The following RABGEF1 variants were observed in gnomAD, a reference collection of about 807,000 sequenced individuals.
RABGEF1 encodes rab5 GDP/GTP exchange factor.
In RABGEF1, 26 loss-of-function variants were observed where a neutral mutation model predicts 57.3. That is an observed-to-expected ratio of 0.45 (90% confidence interval 0.33 to 0.63). The LOEUF is 0.63. Among genes scored for constraint, RABGEF1 ranks in the 20% least tolerant of loss-of-function variants. The pLI is 0.02. For missense variants in RABGEF1, 464 were observed against 607.6 expected, an observed-to-expected ratio of 0.76 and a Z score of 2.48; for synonymous variants, 185 against 210.7, an observed-to-expected ratio of 0.88 and a Z score of 1.06.
chr7:66,660,255 G>A, the RABGEF1 span, among the ~76,000 whole-genome samples: 1 of 151,966 alleles, frequency 6.6e-6, no homozygotes, highest in Non-Finnish European at 1.5e-5. Flanking sequence ...GGCTGAGGCA[G>A]GAGAATGGTG....
chr7:66,658,008 AG>A, the RABGEF1 span, among the ~76,000 whole-genome samples: 4 of 152,176 alleles, frequency 2.6e-5, no homozygotes, highest in African/African-American at 9.7e-5. Flanking sequence ...TTTTTTTTAC[AG>A]TTCAGCAAAA....
At chr7:66,800,188 G>T (rs1033856428) in intron 7 of RABGEF1, among the ~76,000 whole-genome samples, 1 of 152,304 alleles carries the variant, frequency 6.6e-6, no homozygotes, top group African/African-American at 2.4e-5. Flanking sequence ...GCTGGCCATC[G>T]AGTAGGCTCC....
intron 1 of RABGEF1, among the ~76,000 whole-genome samples, chr7:66,760,332 G>C (rs999495547): frequency 6.6e-6 from 1 of 151,898 alleles, no homozygotes; most frequent in Non-Finnish European, 1.5e-5. Flanking sequence ...TTGCTCTTGT[G>C]TTAATAGTTT....
At chr7:66,690,237 A>G (rs1317161295) in intron 1 of RABGEF1, among the ~76,000 whole-genome samples, 1 of 150,316 alleles carries the variant, frequency 6.7e-6, no homozygotes, top group Admixed American at 6.7e-5. Context: ...AGTAGCTGGG[A>G]TTATAGGCAA....
chr7:66,744,365 T>G (rs1799701430), intron 1 of RABGEF1, among the ~76,000 whole-genome samples: 1 of 148,328 alleles, frequency 6.7e-6, no homozygotes, highest in Non-Finnish European at 1.5e-5. Flanking sequence ...AGACTGCATC[T>G]CTACAAAAAA....
intron 2 of RABGEF1, 105 bp downstream of exon 2, chr7:66,772,183 G>A: frequency 2.1e-6 from 2 of 931,722 alleles, no homozygotes; most frequent in Non-Finnish European, 2.9e-6. Flanking sequence ...CTATCAGCAA[G>A]TCAGTTTAAT....
intron 4 of RABGEF1, among the ~76,000 whole-genome samples, chr7:66,795,122 G>A (rs1813704968): frequency 6.6e-6 from 1 of 152,106 alleles, no homozygotes; most frequent in Non-Finnish European, 1.5e-5. Flanking sequence ...TTCTTTCTGT[G>A]TGGAGCCCAG....
chr7:66,717,086 G>C (rs1042483272), intron 2 of RABGEF1, among the ~76,000 whole-genome samples: 4 of 152,146 alleles, frequency 2.6e-5, no homozygotes, highest in Non-Finnish European at 5.9e-5. Flanking sequence ...GCTGCTCTCT[G>C]TTTTTTATGC....
rs142532178 is a variant in RABGEF1 at position 66,715,427 on chromosome 7, G to A, written c.-815+3203G>A. Among the ~76,000 whole-genome samples the A allele has an allele frequency of 7.9e-5, 12 of 152,276 alleles. No individual in the cohort carries two copies. In the East Asian group the frequency reaches 1.5e-3, roughly 20 times the overall value. The stretch of plus-strand genomic sequence containing the variant: ...ATTATAGGTGTGGGCCTCTGTGCCC[G>A]CCTCTTCTTTTCTAATATAATCATT... On this transcript the variant is annotated intron_variant and NMD_transcript_variant, in intron 2 of 9. Transcript: ENST00000607882.
chr7:66,774,809 A>G (rs926447698), intron 2 of RABGEF1, among the ~76,000 whole-genome samples: 18 of 152,094 alleles, frequency 1.2e-4, no homozygotes, highest in African/African-American at 4.3e-4. Flanking sequence ...CCTCACCCAA[A>G]CATCACCGTT....
chr7:66,682,300 G>A, intron 1 of RABGEF1: 1 of 158,318 alleles, frequency 6.3e-6, no homozygotes. Context: ...GCGCGGCGGG[G>A]CATCTTGGGC....
chr7:66,720,074 T>C (rs1391727978), intron 2 of RABGEF1, among the ~76,000 whole-genome samples: 4 of 152,044 alleles, frequency 2.6e-5, no homozygotes, highest in Non-Finnish European at 5.9e-5. Context: ...AATAAGTCAA[T>C]GTAATGCAAT....
intron 1 of RABGEF1, among the ~76,000 whole-genome samples, chr7:66,745,658 A>G (rs1800028069): frequency 6.6e-6 from 1 of 151,664 alleles, no homozygotes; most frequent in Admixed American, 6.6e-5. Context: ...GATCTCAGCT[A>G]CTCGGGAGTC....
At chr7:66,736,196 C>T (rs1321929085), upstream of RABGEF1, among the ~76,000 whole-genome samples, 2 of 152,178 alleles carry the variant, frequency 1.3e-5, no homozygotes, top group African/African-American at 4.8e-5. Flanking sequence ...AATACCAGAC[C>T]CCCTAGGTCT....
chr7:66,732,782 T>C lies in RABGEF1; in HGVS notation c.-814-7214T>C, dbSNP rs868363597. Among the ~76,000 whole-genome samples, 6 of 152,228 alleles carry C rather than the reference T, an allele frequency of 3.9e-5. No homozygotes were observed. In the South Asian group the frequency reaches 1.2e-3, roughly 32 times the overall value. On this transcript the variant is annotated intron_variant and NMD_transcript_variant, in intron 2 of 9. Coordinates refer to the RABGEF1 transcript ENST00000607882. Reference sequence around the variant, plus strand: ...TGCTGTCTCTCTTTCTCACTCGCTCTCTCTTGCTGTCTCTCTCGCTTTTGC... The same window carrying C: ...TGCTGTCTCTCTTTCTCACTCGCTCCCTCTTGCTGTCTCTCTCGCTTTTGC...
At chr7:66,727,554 G>A (rs1459785731) in intron 2 of RABGEF1, among the ~76,000 whole-genome samples, 1 of 152,258 alleles carries the variant, frequency 6.6e-6, no homozygotes, top group Non-Finnish European at 1.5e-5. Flanking sequence ...GACCCAGCTT[G>A]GGTGGAGAGA....
At chr7:66,777,576 T>C (rs1057097144) in intron 3 of RABGEF1, among the ~76,000 whole-genome samples, 1 of 152,140 alleles carries the variant, frequency 6.6e-6, no homozygotes, top group African/African-American at 2.4e-5. Flanking sequence ...ACAGTGTGCA[T>C]TATACTATTG....
chr7:66,697,817 G>A (rs545395977), intron 1 of RABGEF1, among the ~76,000 whole-genome samples: 11 of 152,162 alleles, frequency 7.2e-5, no homozygotes, highest in Admixed American at 2.6e-4. Context: ...GCAGAACTGC[G>A]GTGGGGCCAT....
Position 66,808,961 on chromosome 7 carries a change from A to G in RABGEF1, c.1153A>G (p.Met385Val), listed in dbSNP as rs1324968479. 3 of 1,614,030 alleles carry G rather than the reference A, an allele frequency of 1.9e-6. No homozygotes were observed. Among genetic ancestry groups the G allele is most frequent in the South Asian group, 1.1e-5 (1 of 91,076 alleles). ...NLSQEDFDRY[M>V]SGQTSPRKQE... ...AAGTCAGGAGGATTTTGATCGCTAC[A>G]TGTCTGGCCAGACCTCTCCCAGGAA... Residue 385 changes from methionine to valine, a missense_variant, in exon 9 of 9, where the codon ATG becomes GTG. Physicochemically the swap from Met to Val is conservative, Grantham distance 21 (BLOSUM62 1). Around this residue, in one of 4 missense-constraint regions of RABGEF1, gnomAD observed 151 missense variants for 152.2 expected, o/e 0.99. Coordinates refer to ENST00000284957, the MANE Select transcript of RABGEF1 (RefSeq NM_014504.3).
Sources: allele counts gnomAD v4.1 joint callset (sites outside exome capture counted in the v4.1 genomes callset), GRCh38; gene constraint gnomAD v4.1.1; regional missense constraint gnomAD v4.1.1; transcripts MANE v1.5; gene names NCBI Gene and HGNC (gene_info 2026-07-23, HGNC 2026-07-21).